NAV3: variants seen among roughly 807,000 people sequenced by gnomAD.
The protein encoded by NAV3 is pore membrane and/or filament interacting like protein 1.
NAV3 carries 87 observed loss-of-function variants against 244.7 expected under a neutral mutation model. The observed-to-expected ratio is 0.36, with a 90% CI of 0.30 to 0.42. The LOEUF is 0.42. Among genes scored for constraint, NAV3 ranks in the 20% least tolerant of loss-of-function variants. The pLI is 1.00. For missense variants in NAV3, 2,663 were observed against 2,893.3 expected, an observed-to-expected ratio of 0.92 and a Z score of 1.83; for synonymous variants, 1,126 against 1,042.2, an observed-to-expected ratio of 1.08 and a Z score of -1.55.
intron 2 of NAV3, among the ~76,000 whole-genome samples, chr12:77,794,371 T>G (rs140989166): frequency 3.5e-4 from 53 of 152,254 alleles, no homozygotes; most frequent in African/African-American, 1.3e-3. Context: ...TAGGGTCTTC[T>G]TTTGCTTATT....
At chr12:77,799,018 T>C (rs1871567316) in intron 2 of NAV3, among the ~76,000 whole-genome samples, 2 of 152,228 alleles carry the variant, frequency 1.3e-5, no homozygotes, top group South Asian at 4.1e-4. Context: ...AGTCAGCCGC[T>C]GGTCTCTGAT....
intron 9 of NAV3, 48 bp downstream of exon 9, chr12:78,021,910 T>C: frequency 1.6e-6 from 2 of 1,222,312 alleles, no homozygotes; most frequent in Non-Finnish European, 2.4e-6. Context: ...ATTTCCGTAT[T>C]CTCTCCATAA....
intron 2 of NAV3, among the ~76,000 whole-genome samples, chr12:77,742,049 C>A (rs73136071): frequency 6.6e-6 from 1 of 152,010 alleles, no homozygotes; most frequent in Non-Finnish European, 1.5e-5. Context: ...TTACCGTGTA[C>A]TCAATTAATA....
intron 2 of NAV3, among the ~76,000 whole-genome samples, chr12:77,642,571 C>T (rs980477175): frequency 2.6e-5 from 4 of 151,922 alleles, no homozygotes; most frequent in African/African-American, 4.8e-5. Context: ...GGGTAGTATG[C>T]GCTATGGGAA....
At chr12:77,587,544 G>A (rs777411015) in intron 2 of NAV3, among the ~76,000 whole-genome samples, 1 of 152,110 alleles carries the variant, frequency 6.6e-6, no homozygotes. Flanking sequence ...ATGTTAATCA[G>A]CAAAGGAATC....
At chr12:78,147,491 G>A (rs185149887) in intron 21 of NAV3, among the ~76,000 whole-genome samples, 2 of 151,946 alleles carry the variant, frequency 1.3e-5, no homozygotes, top group South Asian at 4.1e-4. Flanking sequence ...TTTGAGAAAT[G>A]CTCTTTGAGT....
At chr12:77,808,167 C>T (rs1302685648) in intron 2 of NAV3, among the ~76,000 whole-genome samples, 1 of 152,122 alleles carries the variant, frequency 6.6e-6, no homozygotes, top group East Asian at 1.9e-4. Flanking sequence ...CTTCTGAAGC[C>T]TAGTTCTGTC....
intron 12 of NAV3, among the ~76,000 whole-genome samples, chr12:78,106,544 C>T (rs915298458): frequency 6.6e-6 from 1 of 152,118 alleles, no homozygotes; most frequent in South Asian, 2.1e-4. Flanking sequence ...GATGTTCTGT[C>T]GAAGCTGACA....
intron 2 of NAV3, among the ~76,000 whole-genome samples, chr12:77,626,087 A>G (rs1046399758): frequency 1.3e-5 from 2 of 152,184 alleles, no homozygotes; most frequent in Admixed American, 6.5e-5. Flanking sequence ...AAATCAACAA[A>G]GAGATAGATA....
chr12:77,815,320 G>A (rs888736090), intron 2 of NAV3, among the ~76,000 whole-genome samples: 1 of 152,170 alleles, frequency 6.6e-6, no homozygotes, highest in Non-Finnish European at 1.5e-5. Flanking sequence ...ACTGGAGTGA[G>A]CAGTGTTGCA....
intron 2 of NAV3, among the ~76,000 whole-genome samples, chr12:77,616,553 G>A (rs1193225895): frequency 6.6e-6 from 1 of 152,014 alleles, no homozygotes; most frequent in Non-Finnish European, 1.5e-5. Flanking sequence ...AACCAGTGAG[G>A]TAGGGGGGAC....
chr12:77,975,592 C>G lies in NAV3; in HGVS notation c.671+6890C>G, dbSNP rs1194000458. ...AATGTTGTCGGTGAATATCTCAGGG[C>G]AGTGTTTCAGGCTGAGAGAAGAAAT... On this transcript the variant is annotated intron_variant, in intron 5 of 39. Coordinates refer to ENST00000397909, the MANE Select transcript of NAV3 (RefSeq NM_001024383.2). Among the ~76,000 whole-genome samples, 3 of 152,104 alleles carry G rather than the reference C, an allele frequency of 2.0e-5. No individual in the cohort carries two copies. In the East Asian group the frequency reaches 5.8e-4, roughly 29 times the overall value.
chr12:77,778,745 A>G (rs894530466), intron 2 of NAV3, among the ~76,000 whole-genome samples: 2 of 152,134 alleles, frequency 1.3e-5, no homozygotes, highest in Non-Finnish European at 2.9e-5. Flanking sequence ...TCTTTAAGGG[A>G]AGAGTTGTCA....
chr12:77,745,613 T>C (rs1046952262), intron 2 of NAV3, among the ~76,000 whole-genome samples: 1 of 151,968 alleles, frequency 6.6e-6, no homozygotes, highest in African/African-American at 2.4e-5. Flanking sequence ...CCTTGATGAG[T>C]TGAAGGCATC....
intron 2 of NAV3, among the ~76,000 whole-genome samples, chr12:77,810,250 C>T (rs1872218224): frequency 6.6e-6 from 1 of 152,334 alleles, no homozygotes; most frequent in South Asian, 2.1e-4. Context: ...CCACTCACTG[C>T]AAGCTCCGCC....
chr12:77,926,696 G>A (rs925409383), intron 1 of NAV3, among the ~76,000 whole-genome samples: 8 of 152,124 alleles, frequency 5.3e-5, no homozygotes, highest in Admixed American at 2.0e-4. Context: ...AAATTCATTT[G>A]TTGGGCCCCA....
At chr12:78,017,248 A>G (rs911381903) in intron 8 of NAV3, among the ~76,000 whole-genome samples, 3 of 152,140 alleles carry the variant, frequency 2.0e-5, no homozygotes, top group Non-Finnish European at 4.4e-5. Flanking sequence ...AATCACTGGT[A>G]TCATGACTTT....
intron 12 of NAV3, among the ~76,000 whole-genome samples, chr12:78,074,285 A>G (rs2137690383): frequency 6.6e-6 from 1 of 152,370 alleles, no homozygotes; most frequent in Middle Eastern, 3.4e-3. Flanking sequence ...CTTCAAAAAT[A>G]ATATCGCAGA....
intron 34 of NAV3, 32 bp from the exon 35 acceptor site, chr12:78,197,215 C>A: frequency 2.0e-6 from 3 of 1,474,098 alleles, no homozygotes; most frequent in Non-Finnish European, 2.7e-6. Context: ...AAATTTATCA[C>A]TGACGTATCT....
Sources: gnomAD v4.1 joint callset for allele counts (sites outside exome capture counted in the v4.1 genomes callset) on GRCh38, gnomAD v4.1.1 for gene constraint, MANE v1.5 for transcripts, NCBI Gene and HGNC (gene_info 2026-07-23, HGNC 2026-07-21) for gene names.